The following ENPP3 variants were observed in gnomAD, a reference collection of about 807,000 sequenced individuals.
ENPP3 encodes ectonucleotide pyrophosphatase/phosphodiesterase 3.
A neutral mutation model predicts 117.8 loss-of-function variants in ENPP3; 104 were observed. The observed-to-expected ratio is 0.88, with a 90% CI of 0.75 to 1.04. The LOEUF (loss-of-function observed/expected upper bound fraction) is 1.04. Ranked by LOEUF, ENPP3 falls within the 50% of genes least tolerant of loss-of-function variation. The pLI is 0.00. For missense variants in ENPP3, 1,026 were observed against 1,051.9 expected (o/e 0.98, Z 0.34); for synonymous variants, 380 against 349.9 (o/e 1.09, Z -0.96).
At chr6:131,726,573 C>T (rs986618129) in intron 20 of ENPP3, among the ~76,000 whole-genome samples, 7 of 152,118 alleles carry the variant, frequency 4.6e-5, no homozygotes, top group African/African-American at 1.7e-4. Context: ...TTATAAAGGG[C>T]TTTGTATTTA....
chr6:131,656,686 GA>G (rs200127967), intron 5 of ENPP3, among the ~76,000 whole-genome samples: 2,190 of 151,806 alleles, frequency 0.014, 27 homozygotes, highest in South Asian at 0.032. Flanking sequence ...AGAATGGTGT[GA>G]ACCTGGGAGG....
chr6:131,637,463 G>T lies in ENPP3; in HGVS notation c.78+1G>T. 2 of 1,506,970 alleles carry T rather than the reference G, an allele frequency of 1.3e-6. No individual in the cohort carries two copies. Among genetic ancestry groups the T allele is most frequent in the Non-Finnish European group, 1.8e-6 (2 of 1,096,232 alleles). The allele number at this position is 1,506,970 out of a possible 1,614,324, so 93.3% of individuals were successfully genotyped here. A position where few individuals can be genotyped will look rare whatever the true frequency, so the allele number is the denominator to read the frequency against. On this transcript the variant is annotated splice_donor_variant, in intron 1 of 24. Coordinates refer to ENST00000357639, the MANE Select transcript of ENPP3 (RefSeq NM_005021.5). LOFTEE classifies it high-confidence loss of function. ...TAAGAAATATAAAATAGCTTGCATT[G>T]TAAGTACAATTCTTATTTTTAGTCT...
intron 20 of ENPP3, among the ~76,000 whole-genome samples, chr6:131,729,606 C>T (rs1780232275): frequency 6.6e-6 from 1 of 152,110 alleles, no homozygotes; most frequent in Non-Finnish European, 1.5e-5. Context: ...CCAGGGAACT[C>T]TGATAGGATG....
chr6:131,648,580 A>T (rs1052242601), intron 2 of ENPP3, among the ~76,000 whole-genome samples: 3 of 152,164 alleles, frequency 2.0e-5, no homozygotes, highest in Non-Finnish European at 4.4e-5. Flanking sequence ...TGCCTGAAAC[A>T]TAATGATGCT....
At chr6:131,677,826 T>C in intron 10 of ENPP3, 42 bp from the exon 11 acceptor site, 1 of 1,293,286 alleles carries the variant, frequency 7.7e-7, no homozygotes, top group Non-Finnish European at 1.1e-6. Flanking sequence ...TGTATGTTTA[T>C]AGCAAATTGA....
At chr6:131,678,969 C>G (rs1198350295) in intron 11 of ENPP3, among the ~76,000 whole-genome samples, 86 of 102,146 alleles carry the variant, frequency 8.4e-4, no homozygotes, top group Middle Eastern at 4.7e-3. Context: ...TTCCTTCCTT[C>G]CTTCCTTCCT....
chr6:131,659,815 A>G (rs1778460848), intron 6 of ENPP3, among the ~76,000 whole-genome samples: 1 of 152,138 alleles, frequency 6.6e-6, no homozygotes, highest in Non-Finnish European at 1.5e-5. Context: ...CTATCTTCTT[A>G]TCTAAATTTG....
chr6:131,711,102 GA>G (rs1445772792), intron 15 of ENPP3: 1 of 1,515,006 alleles, frequency 6.6e-7, no homozygotes, highest in African/African-American at 1.5e-5. Flanking sequence ...TCTGGAACCC[GA>G]ATGCGCACGT....
intron 20 of ENPP3, 75 bp from the exon 21 acceptor site, chr6:131,733,513 G>T: frequency 6.8e-7 from 1 of 1,472,480 alleles, no homozygotes; most frequent in East Asian, 2.3e-5. Context: ...ACATTCTAGG[G>T]AAGTGACAAA....
intron 19 of ENPP3, 129 bp downstream of exon 19, chr6:131,724,220 A>G: frequency 4.9e-6 from 3 of 616,514 alleles, no homozygotes; most frequent in South Asian, 4.2e-5. Flanking sequence ...GCCAATATAC[A>G]AAAGGTAAAA....
intron 6 of ENPP3, among the ~76,000 whole-genome samples, chr6:131,666,324 C>A (rs1467289396): frequency 6.6e-6 from 1 of 151,932 alleles, no homozygotes; most frequent in Non-Finnish European, 1.5e-5. Flanking sequence ...TATAATATGT[C>A]TTAGTGTGGA....
rs527525618 is a variant in ENPP3 at position 131,746,739 on chromosome 6, A to C, written c.2458-47A>C. The C allele has an allele frequency of 5.9e-5, 91 of 1,542,438 alleles. 1 individual carries two copies. The South Asian group carries it at 1.1e-3, about 19-fold the overall frequency. On this transcript the variant is annotated intron_variant, in intron 24 of 24. Transcript: ENST00000357639. ...GCAATAAAAATATTTCTGTTCATGA[A>C]AAATACTGCCTTGTGAAAAAAAAAG... is the stretch of plus-strand genomic sequence containing the variant.
rs1778433839 is a variant in ENPP3, at chr6:131,658,539, C to G, written c.562+119C>G. 1.2e-5 allele frequency: 7 copies of G among 600,818 alleles called. No individual in the cohort carries two copies. In the Admixed American group the frequency reaches 1.6e-4, roughly 14 times the overall value. 37.2% of individuals were successfully genotyped at this position (600,818 alleles called of 1,614,324 possible). Reference sequence around the variant, plus strand: ...GGTGGTTTGTCTTAGCCTAGATCCTCTCTGACTTTACCACATGGTTTCTAC... The same window carrying G: ...GGTGGTTTGTCTTAGCCTAGATCCTGTCTGACTTTACCACATGGTTTCTAC... On this transcript the variant is annotated intron_variant, in intron 6 of 24. Coordinates refer to ENST00000357639, the MANE Select transcript of ENPP3 (RefSeq NM_005021.5).
intron 18 of ENPP3, among the ~76,000 whole-genome samples, chr6:131,722,977 C>G (rs1486952353): frequency 6.6e-6 from 1 of 152,146 alleles, no homozygotes; most frequent in African/African-American, 2.4e-5. Context: ...GGTTTTAGTG[C>G]TAGGAGAGGC....
At chr6:131,736,903 T>G (rs1341782009) in intron 21 of ENPP3, among the ~76,000 whole-genome samples, 1 of 152,194 alleles carries the variant, frequency 6.6e-6, no homozygotes, top group Non-Finnish European at 1.5e-5. Flanking sequence ...TCTCCCAGCT[T>G]CTGGTGGCTC....
intron 11 of ENPP3, among the ~76,000 whole-genome samples, chr6:131,678,989 C>G (rs192224547): frequency 5.2e-4 from 54 of 103,356 alleles, no homozygotes; most frequent in African/African-American, 2.6e-3. Context: ...TTCCTTCCTT[C>G]CTTCCTTCCT....
Position 131,740,245 on chromosome 6 carries a change from T to C in ENPP3, c.2322T>C (p.Val774=), listed in dbSNP as rs561837440. Residue 774 remains valine, a synonymous_variant, in exon 24 of 25, where the codon GTT becomes GTC. Coordinates refer to ENST00000357639, the MANE Select transcript of ENPP3 (RefSeq NM_005021.5). The stretch of plus-strand genomic sequence containing the variant: ...TAAGACATTTAGCCAACACTGATGT[T>C]CCCATCCCAACACACTACTTTGTGG... ...EITKHLANTD[V]PIPTHYFVVL... 4 of 1,603,004 alleles carry C rather than the reference T, an allele frequency of 2.5e-6. No homozygotes were observed. In the South Asian group the frequency reaches 3.4e-5, roughly 14 times the overall value.
intron 20 of ENPP3, among the ~76,000 whole-genome samples, chr6:131,729,524 T>C (rs905481808): frequency 6.6e-6 from 1 of 152,200 alleles, no homozygotes; most frequent in Non-Finnish European, 1.5e-5. Context: ...AGCTAAAAAG[T>C]TCATATTTTA....
chr6:131,722,551 T>G (rs1780059356), intron 18 of ENPP3, 146 bp downstream of exon 18: 4 of 649,054 alleles, frequency 6.2e-6, no homozygotes, highest in Non-Finnish European at 1.1e-5. Context: ...CTCTGAACCT[T>G]ACCTGGAAAC....
Sources: allele counts gnomAD v4.1 joint callset (sites outside exome capture counted in the v4.1 genomes callset), GRCh38; gene constraint gnomAD v4.1.1; transcripts MANE v1.5; gene names NCBI Gene and HGNC (gene_info 2026-07-23, HGNC 2026-07-21).